The following SPAG16 variants were observed in gnomAD, a reference collection of about 807,000 sequenced individuals.
SPAG16 encodes sperm associated antigen 16, also known as sperm-associated antigen 16 protein.
A neutral mutation model predicts 80.4 loss-of-function variants in SPAG16; 86 were observed. The ratio of observed to expected loss-of-function variants is 1.07; its 90% confidence interval spans 0.90 to 1.28. SPAG16 has a LOEUF of 1.28. SPAG16 is among the 50% of genes most tolerant of loss of function. The pLI is 0.00. For missense variants in SPAG16, 870 were observed against 765.3 expected (o/e 1.14, Z -1.61); for synonymous variants, 294 against 265.9 (o/e 1.11, Z -1.03).
At chr2:213,366,952 G>A (rs2066331521) in intron 8 of SPAG16, among the ~76,000 whole-genome samples, 1 of 151,610 alleles carries the variant, frequency 6.6e-6, no homozygotes, top group Admixed American at 6.6e-5. Flanking sequence ...CCTACCCCAT[G>A]ACAGGCCCCG....
intron 10 of SPAG16, among the ~76,000 whole-genome samples, chr2:213,668,843 T>G (rs2125212372): frequency 6.6e-6 from 1 of 152,098 alleles, no homozygotes; most frequent in East Asian, 1.9e-4. Context: ...AAAGACGGGG[T>G]TTCACTGTGT....
At chr2:213,968,797 A>G (rs2044860002) in intron 12 of SPAG16, among the ~76,000 whole-genome samples, 1 of 152,244 alleles carries the variant, frequency 6.6e-6, no homozygotes, top group African/African-American at 2.4e-5. Flanking sequence ...CACCTTGATA[A>G]AAACATGAAG....
At chr2:213,981,994 C>T (rs1285330121) in intron 12 of SPAG16, among the ~76,000 whole-genome samples, 1 of 151,538 alleles carries the variant, frequency 6.6e-6, no homozygotes, top group African/African-American at 2.4e-5. Context: ...AAGTGTAGAG[C>T]TTACAACAGA....
At chr2:213,741,894 A>G (rs746360042) in intron 10 of SPAG16, among the ~76,000 whole-genome samples, 5 of 152,160 alleles carry the variant, frequency 3.3e-5, no homozygotes, top group South Asian at 2.1e-4. Flanking sequence ...TAATATTTAT[A>G]GAGTTACACT....
intron 9 of SPAG16, among the ~76,000 whole-genome samples, chr2:213,425,455 G>A (rs566847652): frequency 6.6e-6 from 1 of 152,156 alleles, no homozygotes; most frequent in Admixed American, 6.5e-5. Context: ...TTTGAGATCA[G>A]TATAGCCAAC....
chr2:214,367,906 T>C (rs1031034366), intron 15 of SPAG16, among the ~76,000 whole-genome samples: 1 of 152,138 alleles, frequency 6.6e-6, no homozygotes, highest in Non-Finnish European at 1.5e-5. Flanking sequence ...ATTCTCACAA[T>C]ATATGAACAT....
chr2:213,606,514 A>G (rs1295717587), intron 10 of SPAG16, among the ~76,000 whole-genome samples: 5 of 152,222 alleles, frequency 3.3e-5, no homozygotes, highest in Non-Finnish European at 5.9e-5. Context: ...ACCATGATAC[A>G]TATGCTTCTC....
chr2:213,337,266 G>C (rs2064413439), intron 5 of SPAG16, among the ~76,000 whole-genome samples: 1 of 152,184 alleles, frequency 6.6e-6, no homozygotes, highest in Non-Finnish European at 1.5e-5. Flanking sequence ...CGATGAGAAA[G>C]AATCAACACA....
At chr2:214,321,914 A>G (rs1696124725) in intron 15 of SPAG16, among the ~76,000 whole-genome samples, 1 of 152,142 alleles carries the variant, frequency 6.6e-6, no homozygotes, top group Non-Finnish European at 1.5e-5. Context: ...TATACCCCCA[A>G]TCTGAATTAG....
chr2:213,592,814 G>C (rs570022759), intron 10 of SPAG16, among the ~76,000 whole-genome samples: 3 of 152,182 alleles, frequency 2.0e-5, no homozygotes, highest in African/African-American at 7.2e-5. Context: ...TGATCACTTC[G>C]TCAGACTGAA....
At chr2:213,962,057 T>C (rs2044462466) in intron 12 of SPAG16, among the ~76,000 whole-genome samples, 1 of 152,200 alleles carries the variant, frequency 6.6e-6, no homozygotes, top group South Asian at 2.1e-4. Flanking sequence ...TGTTATGGAC[T>C]GAACTGTATC....
At chr2:213,892,484 A>G (rs966859669) in intron 11 of SPAG16, among the ~76,000 whole-genome samples, 2 of 152,198 alleles carry the variant, frequency 1.3e-5, no homozygotes, top group African/African-American at 4.8e-5. Context: ...AGTGACTCCA[A>G]TGAGATGGCA....
intron 10 of SPAG16, among the ~76,000 whole-genome samples, chr2:213,771,615 G>C (rs2069254310): frequency 6.6e-6 from 1 of 152,050 alleles, no homozygotes; most frequent in Non-Finnish European, 1.5e-5. Flanking sequence ...AATCCATCTT[G>C]AATTAATTTT....
At chr2:213,845,797 G>A (rs1244565744) in intron 10 of SPAG16, among the ~76,000 whole-genome samples, 1 of 152,138 alleles carries the variant, frequency 6.6e-6, no homozygotes, top group Non-Finnish European at 1.5e-5. Flanking sequence ...CAACTGGTTG[G>A]TTATTCTCTT....
intron 10 of SPAG16, among the ~76,000 whole-genome samples, chr2:213,584,390 G>A (rs1406790368): frequency 2.6e-5 from 4 of 152,086 alleles, no homozygotes; most frequent in African/African-American, 9.7e-5. Context: ...GAAAACAATG[G>A]TGACATTTAG....
chr2:213,893,431 G>A (rs562281569), intron 11 of SPAG16, among the ~76,000 whole-genome samples: 10 of 152,256 alleles, frequency 6.6e-5, no homozygotes, highest in East Asian at 3.9e-4. Flanking sequence ...CTGTAATGCC[G>A]TAATTGTGGT....
chr2:213,540,386 A>G (rs189761446), intron 10 of SPAG16, among the ~76,000 whole-genome samples: 2 of 152,120 alleles, frequency 1.3e-5, no homozygotes, highest in African/African-American at 2.4e-5. Context: ...GAATCTTTAT[A>G]TTACACAAAG....
At chr2:214,304,888 A>C (rs1484908987) in intron 15 of SPAG16, among the ~76,000 whole-genome samples, 1 of 152,112 alleles carries the variant, frequency 6.6e-6, no homozygotes, top group African/African-American at 2.4e-5. Flanking sequence ...TTGGGTATAT[A>C]CTCAGTAATG....
At chr2:213,751,333 C>G (rs1370409954) in intron 10 of SPAG16, among the ~76,000 whole-genome samples, 1 of 152,158 alleles carries the variant, frequency 6.6e-6, no homozygotes, top group Non-Finnish European at 1.5e-5. Context: ...TGACCCTAAA[C>G]TCAACATACC....
Sources: gnomAD v4.1 joint callset for allele counts (sites outside exome capture counted in the v4.1 genomes callset) on GRCh38, gnomAD v4.1.1 for gene constraint, MANE v1.5 for transcripts, NCBI Gene and HGNC (gene_info 2026-07-23, HGNC 2026-07-21) for gene names.